The following EXT1 variants were observed in gnomAD, a reference collection of about 807,000 sequenced individuals.
EXT1 encodes the protein exostosin glycosyltransferase 1.
Under a neutral mutation model 82.5 loss-of-function variants are expected in EXT1, and 20 were observed. The observed-to-expected ratio is 0.24, with a 90% CI of 0.17 to 0.35. The LOEUF (loss-of-function observed/expected upper bound fraction) is 0.35. EXT1 is among the 10% of genes least tolerant of loss of function. EXT1 has a pLI of 1.00. For missense variants in EXT1, 757 were observed against 936.5 expected, an observed-to-expected ratio of 0.81 and a Z score of 2.50; for synonymous variants, 348 against 350.8, an observed-to-expected ratio of 0.99 and a Z score of 0.09.
intron 1 of EXT1, among the ~76,000 whole-genome samples, chr8:117,876,547 G>C (rs982388633): frequency 7.9e-5 from 12 of 152,004 alleles, no homozygotes; most frequent in African/African-American, 2.9e-4. Flanking sequence ...ATAGAATTTG[G>C]GTTATTTACT....
chr8:117,867,870 A>G (rs540202897), intron 1 of EXT1, among the ~76,000 whole-genome samples: 66 of 152,318 alleles, frequency 4.3e-4, no homozygotes, highest in African/African-American at 1.6e-3. Context: ...TGCCTCATCT[A>G]TAAGTTTAAT....
At chr8:118,067,177 CAAG>C (rs1817003776) in intron 1 of EXT1, among the ~76,000 whole-genome samples, 1 of 152,228 alleles carries the variant, frequency 6.6e-6, no homozygotes, top group South Asian at 2.1e-4. Context: ...GTCTAAACTT[CAAG>C]AAGTCTGGCA....
intron 1 of EXT1, among the ~76,000 whole-genome samples, chr8:118,081,376 TTC>T (rs1817325761): frequency 6.6e-6 from 1 of 152,228 alleles, no homozygotes; most frequent in African/African-American, 2.4e-5. Context: ...ATCAAACAAT[TTC>T]TCTCTTTGTT....
chr8:118,013,831 ATGACAATCAAATTTAACTGGGC>A (rs1815952665), intron 1 of EXT1, among the ~76,000 whole-genome samples: 1 of 152,222 alleles, frequency 6.6e-6, no homozygotes, highest in Non-Finnish European at 1.5e-5. Context: ...CATTATTTAT[ATGACAATCAAATTTAACTGGGC>A]CTCCTACATT....
intron 1 of EXT1, among the ~76,000 whole-genome samples, chr8:118,025,561 AGGCC>A (rs1816187834): frequency 6.6e-6 from 1 of 152,194 alleles, no homozygotes; most frequent in Non-Finnish European, 1.5e-5. Context: ...GGACTAAAAA[AGGCC>A]CAAACAAGCA....
At chr8:117,835,367 G>T in intron 3 of EXT1, 77 bp downstream of exon 3, 2 of 1,078,302 alleles carry the variant, frequency 1.9e-6, no homozygotes, top group African/African-American at 1.5e-5. Context: ...TGACCTTTTG[G>T]ATTCATCTTC....
intron 1 of EXT1, among the ~76,000 whole-genome samples, chr8:118,029,041 T>C (rs1323459875): frequency 3.9e-5 from 6 of 152,336 alleles, no homozygotes; most frequent in Non-Finnish European, 8.8e-5. Flanking sequence ...AGTTAGGCAG[T>C]ATGTTCTAGG....
chr8:117,829,569 CTTTTTTTT>C (rs35823668), intron 4 of EXT1, among the ~76,000 whole-genome samples: 3 of 96,876 alleles, frequency 3.1e-5, no homozygotes, highest in Non-Finnish European at 6.3e-5. Context: ...ATATATTTTT[CTTTTTTTT>C]TTTTTTTTTT....
chr8:117,857,085 A>T (rs1245085637), intron 1 of EXT1, among the ~76,000 whole-genome samples: 1 of 152,232 alleles, frequency 6.6e-6, no homozygotes, highest in African/African-American at 2.4e-5. Context: ...AGCATGGTTA[A>T]CTGAATATTT....
intron 1 of EXT1, among the ~76,000 whole-genome samples, chr8:117,985,645 C>T (rs1310197689): frequency 6.6e-6 from 1 of 150,812 alleles, no homozygotes; most frequent in African/African-American, 2.5e-5. Flanking sequence ...TTAGAGAAAC[C>T]TCAACAAAAA....
chr8:117,996,195 C>A (rs1016122658), intron 1 of EXT1, among the ~76,000 whole-genome samples: 2 of 152,188 alleles, frequency 1.3e-5, no homozygotes, highest in Non-Finnish European at 2.9e-5. Context: ...CAGCCGACTA[C>A]AGGAAGCGGC....
At chr8:117,926,277 T>C (rs1228108872) in intron 1 of EXT1, among the ~76,000 whole-genome samples, 4 of 152,174 alleles carry the variant, frequency 2.6e-5, no homozygotes, top group Non-Finnish European at 4.4e-5. Context: ...TTCAAAATAT[T>C]TTAGACAGAT....
intron 1 of EXT1, among the ~76,000 whole-genome samples, chr8:118,091,062 G>C (rs1169709684): frequency 6.6e-6 from 1 of 152,092 alleles, no homozygotes; most frequent in Non-Finnish European, 1.5e-5. Context: ...CTTCTATTAG[G>C]AAGTTGCTAG....
rs751582814 is a variant in EXT1, at chr8:117,812,934, C to A, written c.1660G>T (p.Asp554Tyr). ...AGCACGGCGTCTGTGATGATGTTGT[C>A]GTAGGGCAGAAAACGGCTGCTCATA... ...KVMSSRFLPY[D>Y]NIITDAVLSL... The change falls in exon 8 of 11, where the codon GAC becomes TAC. Residue 554 changes from aspartate to tyrosine, a missense_variant. Physicochemically the swap from Asp to Tyr is radical, Grantham distance 160 (BLOSUM62 -3). Transcript: ENST00000378204. 90 of 1,613,630 alleles carry A rather than the reference C, an allele frequency of 5.6e-5. 1 individual carries two copies. The highest frequency in any genetic ancestry group is 5.1e-5 in the Non-Finnish European group (60 of 1,179,948).
intron 1 of EXT1, among the ~76,000 whole-genome samples, chr8:117,880,859 G>A (rs1314557523): frequency 6.6e-6 from 1 of 152,106 alleles, no homozygotes; most frequent in Non-Finnish European, 1.5e-5. Flanking sequence ...CCAAAGTGCT[G>A]GGATTACAGG....
intron 1 of EXT1, among the ~76,000 whole-genome samples, chr8:118,007,518 C>A (rs1269046633): frequency 4.6e-5 from 7 of 152,210 alleles, no homozygotes; most frequent in Non-Finnish European, 1.5e-5. Context: ...GGGCTTCATA[C>A]CTAGGTGATA....
chr8:118,073,605 G>A (rs898663207), intron 1 of EXT1, among the ~76,000 whole-genome samples: 1 of 145,254 alleles, frequency 6.9e-6, no homozygotes, highest in African/African-American at 2.6e-5. Context: ...GGGCTACAGA[G>A]AGAGGAAAGG....
intron 3 of EXT1, among the ~76,000 whole-genome samples, chr8:117,833,398 C>CGA (rs1486538828): frequency 3.3e-5 from 5 of 152,050 alleles, no homozygotes; most frequent in Non-Finnish European, 5.9e-5. Flanking sequence ...AGGTGGATCA[C>CGA]GAGGTCAGGA....
Position 118,096,627 on chromosome 8 carries a change from GAAGGAAGGAAGGAAGGAAGGA to G in EXT1, c.962+13437_962+13457del, listed in dbSNP as rs1563654846. Among the ~76,000 whole-genome samples the G allele has an allele frequency of 6.4e-4, 53 of 82,528 alleles. 3 individuals are homozygous for G. In the East Asian group the frequency reaches 0.014, roughly 22 times the overall value. The allele number at this position is 82,528 out of a possible 152,430, so 54.1% of individuals were successfully genotyped here. On this transcript the variant is annotated intron_variant, in intron 1 of 10. Transcript: ENST00000378204. ...AGGAAGGAAGGAAGGAAGGAGGAAG[GAAGGAAGGAAGGAAGGAAGGA>G]AGGAAGGAAGGAAGGAAGGAAGGAA...
Sources: allele counts gnomAD v4.1 joint callset (sites outside exome capture counted in the v4.1 genomes callset), GRCh38; gene constraint gnomAD v4.1.1; transcripts MANE v1.5; gene names NCBI Gene and HGNC (gene_info 2026-07-23, HGNC 2026-07-21).